MAML3: variants seen among roughly 807,000 people sequenced by gnomAD.
MAML3 encodes the protein mastermind like transcriptional coactivator 3, also known as mastermind-like protein 3.
In MAML3, 27 loss-of-function variants were observed where a neutral mutation model predicts 101.9. That is an observed-to-expected ratio of 0.27 (90% confidence interval 0.20 to 0.37). The LOEUF (loss-of-function observed/expected upper bound fraction) is 0.37, where lower values mean the gene tolerates loss of function less well. Among genes scored for constraint, MAML3 ranks in the 10% least tolerant of loss-of-function variants. The probability of loss-of-function intolerance (pLI) is 1.00; values close to 1 mark genes in which losing one functional copy is unlikely to be tolerated. For missense variants in MAML3, 1,316 were observed against 1,444.9 expected, an observed-to-expected ratio of 0.91 and a Z score of 1.45; for synonymous variants, 501 against 555.9, an observed-to-expected ratio of 0.90 and a Z score of 1.39.
At chr4:140,140,017 C>A (rs1728954242) in intron 1 of MAML3, among the ~76,000 whole-genome samples, 1 of 152,202 alleles carries the variant, frequency 6.6e-6, no homozygotes, top group African/African-American at 2.4e-5. Context: ...ACCAGAGCAG[C>A]ACCTTTAAGA....
chr4:140,139,138 T>C (rs1728943242), intron 1 of MAML3, among the ~76,000 whole-genome samples: 1 of 151,670 alleles, frequency 6.6e-6, no homozygotes, highest in Non-Finnish European at 1.5e-5. Flanking sequence ...CCGGGCATGG[T>C]GGCAGGCACC....
intron 2 of MAML3, among the ~76,000 whole-genome samples, chr4:139,801,633 G>GGGGTGTGTGT (rs1553957606): frequency 2.7e-4 from 40 of 146,510 alleles, no homozygotes; most frequent in African/African-American, 1.0e-3. Context: ...GCAGGAACAG[G>GGGGTGTGTGT]GTGTGTGTGG....
intron 1 of MAML3, among the ~76,000 whole-genome samples, chr4:139,994,838 AG>A (rs1324905761): frequency 6.6e-6 from 1 of 151,962 alleles, no homozygotes; most frequent in Non-Finnish European, 1.5e-5. Context: ...TTATACATAC[AG>A]GATCAAGTCA....
intron 2 of MAML3, among the ~76,000 whole-genome samples, chr4:139,837,220 G>A (rs912954478): frequency 9.9e-5 from 15 of 151,944 alleles, no homozygotes; most frequent in South Asian, 4.2e-4. Flanking sequence ...TTTCCTGGCC[G>A]GCGTGGTGGC....
chr4:140,082,310 G>A (rs1041552527), intron 1 of MAML3, among the ~76,000 whole-genome samples: 5 of 152,208 alleles, frequency 3.3e-5, no homozygotes, highest in African/African-American at 1.2e-4. Context: ...TGTTCTCATA[G>A]TGAAATTCTT....
At chr4:139,757,658 AAAAAAG>A in intron 2 of MAML3, among the ~76,000 whole-genome samples, 1 of 151,588 alleles carries the variant, frequency 6.6e-6, no homozygotes, top group African/African-American at 2.4e-5. Flanking sequence ...AAAAAAAAAA[AAAAAAG>A]AATCCTATTC....
intron 1 of MAML3, among the ~76,000 whole-genome samples, chr4:140,048,129 C>G (rs1487307304): frequency 6.6e-6 from 1 of 152,114 alleles, no homozygotes; most frequent in African/African-American, 2.4e-5. Context: ...CTAATGATCA[C>G]TTTTCTGTGT....
chr4:139,906,039 G>C lies in MAML3; in HGVS notation c.469-15072C>G, dbSNP rs79184862. 8.4e-3 allele frequency among the ~76,000 whole-genome samples: 1,273 copies of C among 152,224 alleles called. 14 individuals are homozygous for C. Among genetic ancestry groups the C allele is most frequent in the African/African-American group, 0.029 (1,193 of 41,516 alleles). ...GTACATATCAATACAGCTCAGACTT[G>C]GTCTTGAGGCAAGTAACTCAACAAC... On this transcript the variant is annotated intron_variant, in intron 1 of 4. Transcript: ENST00000509479.
chr4:140,049,681 T>TAA (rs58267134), intron 1 of MAML3, among the ~76,000 whole-genome samples: 1 of 151,532 alleles, frequency 6.6e-6, no homozygotes, highest in African/African-American at 2.4e-5. Flanking sequence ...CCTTTTTTTT[T>TAA]AAAAGGACAG....
intron 2 of MAML3, among the ~76,000 whole-genome samples, chr4:139,869,020 AC>A (rs2111174330): frequency 6.6e-6 from 1 of 152,354 alleles, no homozygotes; most frequent in African/African-American, 2.4e-5. Context: ...TAAGGGAGCC[AC>A]AGAAATGGGT....
At chr4:139,781,488 T>C (rs1730211296) in intron 2 of MAML3, among the ~76,000 whole-genome samples, 1 of 147,596 alleles carries the variant, frequency 6.8e-6, no homozygotes, top group Non-Finnish European at 1.5e-5. Context: ...AGCTCTCTTC[T>C]AATGATCGCA....
chr4:139,737,907 G>T (rs1450458973), intron 2 of MAML3, among the ~76,000 whole-genome samples: 1 of 152,226 alleles, frequency 6.6e-6, no homozygotes, highest in African/African-American at 2.4e-5. Flanking sequence ...GATGTGTGAT[G>T]GTTGTGTCCC....
intron 2 of MAML3, among the ~76,000 whole-genome samples, chr4:139,837,516 C>G (rs1425442303): frequency 6.6e-6 from 1 of 151,598 alleles, no homozygotes; most frequent in East Asian, 1.9e-4. Flanking sequence ...AACAAACAAA[C>G]ACACAAACAA....
intron 2 of MAML3, chr4:139,888,660 T>C: frequency 1.9e-6 from 1 of 519,002 alleles, no homozygotes; most frequent in South Asian, 1.4e-5. Flanking sequence ...AGTGGGAAAG[T>C]AGAGACTTTA....
intron 2 of MAML3, among the ~76,000 whole-genome samples, chr4:139,764,798 C>T (rs1729824498): frequency 6.6e-6 from 1 of 152,202 alleles, no homozygotes. Context: ...AAGCACTGTC[C>T]ACATCCCACT....
At chr4:139,750,334 A>G (rs1243897633) in intron 2 of MAML3, among the ~76,000 whole-genome samples, 1 of 152,206 alleles carries the variant, frequency 6.6e-6, no homozygotes, top group African/African-American at 2.4e-5. Context: ...CTTCAATAAA[A>G]TCAACCGATC....
intron 2 of MAML3, among the ~76,000 whole-genome samples, chr4:139,838,836 G>C (rs1731307946): frequency 6.6e-6 from 1 of 152,122 alleles, no homozygotes; most frequent in Non-Finnish European, 1.5e-5. Context: ...ACAGAATCAA[G>C]ATGTGGTGTC....
At chr4:139,875,062 C>CA (rs1171689590) in intron 2 of MAML3, among the ~76,000 whole-genome samples, 1 of 152,166 alleles carries the variant, frequency 6.6e-6, no homozygotes, top group East Asian at 1.9e-4. Flanking sequence ...CTCGGCCTCC[C>CA]AAAGTGCTGG....
At position 139,888,613 on chromosome 4, in the gene MAML3, A is replaced by G. The variant is rs758477009; in HGVS notation, c.2079+744T>C. The G allele has an allele frequency of 7.7e-6, 4 of 519,038 alleles. No homozygotes were observed. In the East Asian group the frequency reaches 2.2e-4, roughly 28 times the overall value. 32.2% of individuals were successfully genotyped at this position (519,038 alleles called of 1,614,324 possible). A position where few individuals can be genotyped will look rare whatever the true frequency, so the allele number is the denominator to read the frequency against. ...GACTGGTTGCTGCTCATTTTTTACC[A>G]TGCATACCAAGAGCCCAACCTCCCA... On this transcript the variant is annotated intron_variant, in intron 2 of 4. Coordinates refer to ENST00000509479, the MANE Select transcript of MAML3 (RefSeq NM_018717.5).
Sources: gnomAD v4.1 joint callset for allele counts (sites outside exome capture counted in the v4.1 genomes callset) on GRCh38, gnomAD v4.1.1 for gene constraint, MANE v1.5 for transcripts, NCBI Gene and HGNC (gene_info 2026-07-23, HGNC 2026-07-21) for gene names.